The following EFNA5 variants were observed in gnomAD, a reference collection of about 807,000 sequenced individuals.
The protein encoded by EFNA5 is ephrin A5.
EFNA5 carries 5 observed loss-of-function variants against 22.9 expected under a neutral mutation model. The observed-to-expected ratio is 0.22, with a 90% CI of 0.11 to 0.46. EFNA5 has a LOEUF of 0.46. EFNA5 is among the 20% of genes least tolerant of loss of function. The pLI is 0.99. For synonymous variants in EFNA5, 113 were observed against 112.2 expected, an observed-to-expected ratio of 1.01 and a Z score of -0.04; for missense variants, 237 against 293.3, an observed-to-expected ratio of 0.81 and a Z score of 1.40.
chr5:107,437,534 T>C (rs924145217), intron 1 of EFNA5, among the ~76,000 whole-genome samples: 3 of 152,256 alleles, frequency 2.0e-5, no homozygotes, highest in Admixed American at 2.0e-4. Context: ...ACTGGGACTT[T>C]GCTGAATGCA....
At chr5:107,631,256 AACACACACACACAC>A (rs10616989) in intron 1 of EFNA5, among the ~76,000 whole-genome samples, 1 of 145,668 alleles carries the variant, frequency 6.9e-6, no homozygotes, top group African/African-American at 2.6e-5. Flanking sequence ...CCTGACTACA[AACACACACACACAC>A]ACACACACAC....
chr5:107,410,691 ATTAAC>A (rs776029138), intron 2 of EFNA5, among the ~76,000 whole-genome samples: 2 of 152,244 alleles, frequency 1.3e-5, no homozygotes, highest in Admixed American at 1.3e-4. Context: ...CTTTAACAAA[ATTAAC>A]TTAAATTTAA....
chr5:107,632,741 G>A (rs1475693586), intron 1 of EFNA5, among the ~76,000 whole-genome samples: 1 of 152,108 alleles, frequency 6.6e-6, no homozygotes, highest in Non-Finnish European at 1.5e-5. Context: ...AGAAAATTCA[G>A]AGGCTGTGTC....
At chr5:107,603,988 A>T (rs1267902565) in intron 1 of EFNA5, among the ~76,000 whole-genome samples, 2 of 152,166 alleles carry the variant, frequency 1.3e-5, no homozygotes, top group Non-Finnish European at 2.9e-5. Context: ...CTTTAGCAAA[A>T]CCATAAGGAC....
At chr5:107,564,037 T>C (rs1039628726) in intron 1 of EFNA5, among the ~76,000 whole-genome samples, 6 of 152,268 alleles carry the variant, frequency 3.9e-5, no homozygotes, top group African/African-American at 1.4e-4. Flanking sequence ...TCTCAACTAC[T>C]GTGCTCTACA....
chr5:107,478,438 A>G (rs1750369462), intron 1 of EFNA5, among the ~76,000 whole-genome samples: 1 of 152,022 alleles, frequency 6.6e-6, no homozygotes, highest in African/African-American at 2.4e-5. Context: ...AAGGTTTTGT[A>G]AATTTCAGAA....
At chr5:107,491,591 A>G (rs1304579506) in intron 1 of EFNA5, among the ~76,000 whole-genome samples, 1 of 152,156 alleles carries the variant, frequency 6.6e-6, no homozygotes, top group Admixed American at 6.5e-5. Context: ...GATTACAGGC[A>G]TGAGCCACCG....
chr5:107,460,777 A>G (rs775072343), intron 1 of EFNA5, among the ~76,000 whole-genome samples: 4 of 152,198 alleles, frequency 2.6e-5, no homozygotes, highest in Non-Finnish European at 5.9e-5. Context: ...ATCAATTTCA[A>G]ATTCCCTAAG....
chr5:107,445,619 G>C (rs1749368921), intron 1 of EFNA5, among the ~76,000 whole-genome samples: 1 of 152,114 alleles, frequency 6.6e-6, no homozygotes, highest in Non-Finnish European at 1.5e-5. Flanking sequence ...GTTCAGGCAG[G>C]GATGTTCGAC....
intron 1 of EFNA5, among the ~76,000 whole-genome samples, chr5:107,466,670 C>T (rs1280303653): frequency 1.3e-5 from 2 of 152,166 alleles, no homozygotes; most frequent in Non-Finnish European, 1.5e-5. Context: ...TTGTACACCA[C>T]TCACTCGGTG....
intron 1 of EFNA5, among the ~76,000 whole-genome samples, chr5:107,461,128 G>C (rs1749825386): frequency 6.6e-6 from 1 of 152,086 alleles, no homozygotes; most frequent in African/African-American, 2.4e-5. Flanking sequence ...CAGACTAGAT[G>C]ATGACCCCTC....
At chr5:107,391,208 A>C (rs549231993) in intron 2 of EFNA5, among the ~76,000 whole-genome samples, 260 of 152,324 alleles carry the variant, frequency 1.7e-3, no homozygotes, top group African/African-American at 5.9e-3. Context: ...CTTCTTTATT[A>C]GGTGCTGTGC....
intron 1 of EFNA5, among the ~76,000 whole-genome samples, chr5:107,639,904 C>T (rs554129055): frequency 1.8e-3 from 271 of 152,092 alleles, no homozygotes; most frequent in African/African-American, 6.3e-3. Context: ...ATACTGCACC[C>T]TAGAGATATA....
intron 1 of EFNA5, among the ~76,000 whole-genome samples, chr5:107,591,934 ATATATATAT>A (rs1749350808): frequency 8.5e-5 from 1 of 11,708 alleles, no homozygotes; most frequent in African/African-American, 8.6e-4. Flanking sequence ...ATAATATATA[ATATATATAT>A]TATATATAAT....
chr5:107,418,007 G>A (rs534998600), intron 2 of EFNA5, among the ~76,000 whole-genome samples: 8 of 152,176 alleles, frequency 5.3e-5, no homozygotes, highest in Non-Finnish European at 1.0e-4. Context: ...TTCACTCTGT[G>A]TGTATGTATC....
intron 1 of EFNA5, among the ~76,000 whole-genome samples, chr5:107,565,030 A>G (rs551854303): frequency 2.0e-4 from 30 of 152,188 alleles, no homozygotes; most frequent in Non-Finnish European, 3.4e-4. Flanking sequence ...GAAGACCAAT[A>G]ATATGATATC....
At chr5:107,525,213 A>G (rs1169348080) in intron 1 of EFNA5, among the ~76,000 whole-genome samples, 1 of 152,194 alleles carries the variant, frequency 6.6e-6, no homozygotes, top group Non-Finnish European at 1.5e-5. Flanking sequence ...TTGTAAGATT[A>G]GTGGGTTAAT....
chr5:107,547,424 G>C (rs1488138929), intron 1 of EFNA5, among the ~76,000 whole-genome samples: 1 of 152,014 alleles, frequency 6.6e-6, no homozygotes, highest in Non-Finnish European at 1.5e-5. Context: ...CAGGTGTGAT[G>C]GTGTCACATA....
intron 1 of EFNA5, among the ~76,000 whole-genome samples, chr5:107,559,712 G>GA (rs1184696747): frequency 1.3e-5 from 2 of 152,202 alleles, no homozygotes; most frequent in Admixed American, 1.3e-4. Flanking sequence ...ATCTCTGGAA[G>GA]AAGTCCTCCT....
Sources: gnomAD v4.1 joint callset for allele counts (sites outside exome capture counted in the v4.1 genomes callset) on GRCh38, gnomAD v4.1.1 for gene constraint, MANE v1.5 for transcripts, NCBI Gene and HGNC (gene_info 2026-07-23, HGNC 2026-07-21) for gene names.